CADPS: variants seen among roughly 807,000 people sequenced by gnomAD.
CADPS encodes the protein calcium-dependent secretion activator 1.
Under a neutral mutation model 167.3 loss-of-function variants are expected in CADPS, and 57 were observed. That is an observed-to-expected ratio of 0.34 (90% CI 0.28 to 0.42). The LOEUF is 0.42. Ranked by LOEUF, CADPS falls within the 20% of genes least tolerant of loss-of-function variation. CADPS has a pLI of 1.00. For missense variants in CADPS, 1,414 were observed against 1,738.1 expected, an observed-to-expected ratio of 0.81 and a Z score of 3.32; for synonymous variants, 676 against 635.3, an observed-to-expected ratio of 1.06 and a Z score of -0.96.
intron 27 of CADPS, chr3:62,440,943 G>T (rs2056204134): frequency 6.6e-6 from 1 of 152,164 alleles, no homozygotes; most frequent in South Asian, 2.1e-4. Context: ...GAAAGACATG[G>T]TCACAATGGT....
chr3:62,837,367 G>T (rs1209542943), intron 1 of CADPS, among the ~76,000 whole-genome samples: 3 of 152,144 alleles, frequency 2.0e-5, no homozygotes, highest in Admixed American at 6.5e-5. Context: ...AACACCCTTT[G>T]CTCCCACTGA....
At chr3:62,676,662 G>T (rs1014937446) in intron 3 of CADPS, among the ~76,000 whole-genome samples, 1 of 152,084 alleles carries the variant, frequency 6.6e-6, no homozygotes, top group East Asian at 1.9e-4. Flanking sequence ...TCCTGCAGGC[G>T]TTTTGGTGAC....
At chr3:62,531,305 A>G (rs2073629243) in intron 13 of CADPS, among the ~76,000 whole-genome samples, 1 of 152,206 alleles carries the variant, frequency 6.6e-6, no homozygotes, top group Admixed American at 6.5e-5. Flanking sequence ...ATTTATAAAA[A>G]GCAGAATTAT....
At chr3:62,503,531 A>C (rs2066121848) in intron 17 of CADPS, among the ~76,000 whole-genome samples, 1 of 152,238 alleles carries the variant, frequency 6.6e-6, no homozygotes, top group African/African-American at 2.4e-5. Context: ...TTATTAGTTC[A>C]AGTGAGCTAG....
intron 1 of CADPS, among the ~76,000 whole-genome samples, chr3:62,797,651 A>T (rs151315942): frequency 2.0e-4 from 31 of 151,936 alleles, no homozygotes; most frequent in African/African-American, 7.3e-4. Flanking sequence ...ACAACACACA[A>T]TGGGGCCTGT....
rs112937725 is a variant in CADPS at position 62,602,623 on chromosome 3, G to A, written c.1326-9875C>T. Among the ~76,000 whole-genome samples, 1,856 of 152,180 alleles carry A rather than the reference G, an allele frequency of 0.012. 32 individuals are homozygous for A. The highest frequency in any genetic ancestry group is 0.043 in the African/African-American group (1,765 of 41,490). On this transcript the variant is annotated intron_variant, in intron 6 of 29. Transcript: ENST00000383710. The surrounding 1 kb of genome is among the most constrained non-coding windows in gnomAD (Gnocchi z 4.4). Reference sequence around the variant, plus strand: ...AAACTAATTGATAGGCTGGGCTTTGGGTTCTTTAGTGTACTAGAAAAGCTA... The same window carrying A: ...AAACTAATTGATAGGCTGGGCTTTGAGTTCTTTAGTGTACTAGAAAAGCTA...
chr3:62,415,054 C>T (rs114739430), intron 28 of CADPS, among the ~76,000 whole-genome samples: 2,131 of 152,252 alleles, frequency 0.014, 53 homozygotes, highest in African/African-American at 0.047. Flanking sequence ...GCTGGTGGCC[C>T]GAGGCACAGG....
chr3:62,598,676 G>A (rs572363833), intron 6 of CADPS, among the ~76,000 whole-genome samples: 10 of 152,320 alleles, frequency 6.6e-5, no homozygotes, highest in African/African-American at 2.4e-4. Context: ...TTATAAATGA[G>A]TCACAGAGAG....
At chr3:62,827,646 A>G (rs62242383) in intron 1 of CADPS, among the ~76,000 whole-genome samples, 7,633 of 152,270 alleles carry the variant, frequency 0.05, 259 homozygotes, top group Non-Finnish European at 0.072. Context: ...TGATCTTTCA[A>G]ATAGCTTTGA....
At chr3:62,797,120 AG>A (rs770922190) in intron 1 of CADPS, among the ~76,000 whole-genome samples, 4 of 152,128 alleles carry the variant, frequency 2.6e-5, no homozygotes, top group Admixed American at 1.3e-4. Flanking sequence ...CCAACCCAAA[AG>A]TTTTCTCCTG....
intron 1 of CADPS, among the ~76,000 whole-genome samples, chr3:62,795,960 A>T (rs2093376001): frequency 6.6e-6 from 1 of 152,202 alleles, no homozygotes; most frequent in South Asian, 2.1e-4. Flanking sequence ...ACTCTACATG[A>T]TTAAATGTTA....
chr3:62,763,129 A>G (rs148449743), intron 2 of CADPS, among the ~76,000 whole-genome samples: 76 of 152,304 alleles, frequency 5.0e-4, no homozygotes, highest in Middle Eastern at 3.4e-3. Flanking sequence ...CAGGTGCCAG[A>G]GATGGTGGCT....
At chr3:62,743,512 A>G (rs1332768027) in intron 3 of CADPS, among the ~76,000 whole-genome samples, 1 of 152,176 alleles carries the variant, frequency 6.6e-6, no homozygotes. Flanking sequence ...TCTTCCTCCA[A>G]AGAACAACTT....
intron 21 of CADPS, among the ~76,000 whole-genome samples, chr3:62,482,624 T>C (rs1056337407): frequency 5.3e-5 from 8 of 152,232 alleles, no homozygotes; most frequent in Non-Finnish European, 2.9e-5. Context: ...CAATCCCCAA[T>C]TCAGCTCTTG....
chr3:62,709,852 C>A (rs950003542), intron 3 of CADPS, among the ~76,000 whole-genome samples: 1 of 151,950 alleles, frequency 6.6e-6, no homozygotes, highest in African/African-American at 2.4e-5. Flanking sequence ...TCACTGCAAC[C>A]TCCACCTCCT....
In CADPS at chr3:62,528,930, G is replaced by A. The variant is rs9829899; in HGVS notation, c.2291+3941C>T. 4.6e-3 allele frequency among the ~76,000 whole-genome samples: 694 copies of A among 152,204 alleles called. 4 individuals are homozygous for A. Among genetic ancestry groups the A allele is most frequent in the African/African-American group, 0.016 (669 of 41,518 alleles). On this transcript the variant is annotated intron_variant, in intron 13 of 29. Transcript: ENST00000383710. ...TCCCAGCACTTTAGGAGGCTGAGTCGGGCAGATTACCTGAGGTCAGGAGTT... is the reference window on the plus strand; with the variant it reads ...TCCCAGCACTTTAGGAGGCTGAGTCAGGCAGATTACCTGAGGTCAGGAGTT...
intron 3 of CADPS, among the ~76,000 whole-genome samples, chr3:62,666,792 T>G (rs1232273452): frequency 1.3e-5 from 2 of 152,174 alleles, no homozygotes; most frequent in Non-Finnish European, 2.9e-5. Flanking sequence ...GGTGGTACTC[T>G]TTCCGTCAAT....
chr3:62,792,317 C>G (rs1399774944), intron 1 of CADPS, among the ~76,000 whole-genome samples: 1 of 151,808 alleles, frequency 6.6e-6, no homozygotes, highest in Non-Finnish European at 1.5e-5. Context: ...GATCCTCTCA[C>G]CTTAGCCTCC....
Position 62,478,092 on chromosome 3 carries a change from G to A in CADPS, c.3329+169C>T. 1 of 672,444 alleles carries A rather than the reference G, an allele frequency of 1.5e-6. No individual in the cohort carries two copies. Among genetic ancestry groups the A allele is most frequent in the East Asian group, 2.7e-5 (1 of 37,034 alleles). The allele number at this position is 672,444 out of a possible 1,614,324, so 41.7% of individuals were successfully genotyped here. A position where few individuals can be genotyped will look rare whatever the true frequency, so the allele number is the denominator to read the frequency against. On this transcript the variant is annotated intron_variant, in intron 23 of 29. Transcript: ENST00000383710. This position sits in a 1 kb window ranked among gnomAD's most constrained non-coding sequence, Gnocchi z 5.7. ...GGTTTGGGACAGATGGAGGGCAGGT[G>A]AATGGAAGTTAGACGTTGACAGCCA...
Sources: allele counts gnomAD v4.1 joint callset (sites outside exome capture counted in the v4.1 genomes callset), GRCh38; gene constraint gnomAD v4.1.1; non-coding constraint Gnocchi (gnomAD v3.1); transcripts MANE v1.5; gene names NCBI Gene and HGNC (gene_info 2026-07-23, HGNC 2026-07-21).